TNNI3K: variants seen among roughly 807,000 people sequenced by gnomAD.
TNNI3K encodes serine/threonine-protein kinase TNNI3K.
Under a neutral mutation model 114.5 loss-of-function variants are expected in TNNI3K, and 140 were observed. That is an observed-to-expected ratio of 1.22 (90% CI 1.07 to 1.41). TNNI3K has a LOEUF of 1.41. Ranked by LOEUF, TNNI3K falls within the 40% of genes most tolerant of loss-of-function variation. The pLI is 0.00. For missense variants in TNNI3K, 1,125 were observed against 1,007.6 expected (o/e 1.12, Z -1.58); for synonymous variants, 347 against 347.5 (o/e 1.00, Z 0.02).
At chr1:74,281,123 T>C (rs755533706) in intron 5 of TNNI3K, among the ~76,000 whole-genome samples, 19 of 152,138 alleles carry the variant, frequency 1.2e-4, no homozygotes, top group Non-Finnish European at 2.8e-4. Context: ...CTGGAAGGAT[T>C]CACCACTTGC....
chr1:74,464,759 T>G, intron 21 of TNNI3K: 1 of 1,558,524 alleles, frequency 6.4e-7, no homozygotes, highest in Non-Finnish European at 8.7e-7. Flanking sequence ...ATCCTGGCCA[T>G]TCAACCTGAT....
chr1:74,506,613 T>C (rs922878685), intron 23 of TNNI3K, among the ~76,000 whole-genome samples: 10 of 152,220 alleles, frequency 6.6e-5, no homozygotes, highest in African/African-American at 2.4e-4. Context: ...CCAGCAGCTC[T>C]GGCATCACCT....
intron 5 of TNNI3K, among the ~76,000 whole-genome samples, chr1:74,277,535 G>A (rs1656756997): frequency 6.6e-6 from 1 of 151,988 alleles, no homozygotes; most frequent in African/African-American, 2.4e-5. Flanking sequence ...TCACTATATG[G>A]GCATAACCTA....
chr1:74,285,054 A>C (rs1657244197), intron 5 of TNNI3K, among the ~76,000 whole-genome samples: 1 of 152,250 alleles, frequency 6.6e-6, no homozygotes, highest in Non-Finnish European at 1.5e-5. Context: ...GATTATTCTT[A>C]GTTAGAGGTG....
intron 23 of TNNI3K, among the ~76,000 whole-genome samples, chr1:74,509,482 T>G (rs1000063103): frequency 2.6e-5 from 4 of 152,204 alleles, no homozygotes; most frequent in Non-Finnish European, 4.4e-5. Flanking sequence ...CACAAATGAA[T>G]GATTTTCATT....
intron 21 of TNNI3K, among the ~76,000 whole-genome samples, chr1:74,486,702 T>A (rs1269744510): frequency 6.6e-6 from 1 of 151,646 alleles, no homozygotes; most frequent in Non-Finnish European, 1.5e-5. Context: ...TTTTAAAGGG[T>A]AAAGAGACTC....
intron 4 of TNNI3K, among the ~76,000 whole-genome samples, chr1:74,266,369 G>A (rs1655989327): frequency 1.3e-5 from 2 of 151,918 alleles, no homozygotes; most frequent in South Asian, 4.1e-4. Context: ...TTATAGATCA[G>A]GGCTCCCAGA....
At chr1:74,245,139 A>G (rs1468258786) in intron 2 of TNNI3K, among the ~76,000 whole-genome samples, 2 of 152,226 alleles carry the variant, frequency 1.3e-5, no homozygotes, top group South Asian at 2.1e-4. Context: ...CCTTCCAAAA[A>G]GAAAGGTGGG....
At chr1:74,322,180 A>T (rs893413970) in intron 5 of TNNI3K, among the ~76,000 whole-genome samples, 6 of 152,170 alleles carry the variant, frequency 3.9e-5, no homozygotes, top group African/African-American at 1.4e-4. Flanking sequence ...ATTATGTTCA[A>T]ATCTTGATTG....
At chr1:74,374,170 T>C (rs1662757186) in intron 17 of TNNI3K, 1 of 151,882 alleles carries the variant, frequency 6.6e-6, no homozygotes. Flanking sequence ...AATTTTTTGA[T>C]CCATGGTTAG....
chr1:74,280,659 C>T (rs1457537986), intron 5 of TNNI3K, among the ~76,000 whole-genome samples: 1 of 152,174 alleles, frequency 6.6e-6, no homozygotes, highest in Non-Finnish European at 1.5e-5. Flanking sequence ...GAAGGTAACC[C>T]TCCACTGCAG....
intron 5 of TNNI3K, among the ~76,000 whole-genome samples, chr1:74,317,593 A>G (rs1343400157): frequency 6.6e-6 from 1 of 152,224 alleles, no homozygotes; most frequent in Non-Finnish European, 1.5e-5. Flanking sequence ...ATATGGTGGA[A>G]TGGAAGCCTA....
intron 23 of TNNI3K, among the ~76,000 whole-genome samples, chr1:74,500,977 A>G (rs961773936): frequency 2.0e-5 from 3 of 152,114 alleles, no homozygotes; most frequent in Non-Finnish European, 2.9e-5. Flanking sequence ...CTTGTGATAT[A>G]TTATGTTTCC....
intron 9 of TNNI3K, among the ~76,000 whole-genome samples, chr1:74,350,109 G>A (rs372957542): frequency 1.3e-5 from 2 of 151,734 alleles, no homozygotes; most frequent in East Asian, 1.9e-4. Flanking sequence ...GTGGGCATTC[G>A]GTGCTATAAA....
intron 17 of TNNI3K, among the ~76,000 whole-genome samples, chr1:74,394,609 C>T (rs1663975250): frequency 6.6e-6 from 1 of 152,170 alleles, no homozygotes; most frequent in Non-Finnish European, 1.5e-5. Context: ...AGTTTACTAG[C>T]CTGCAAAATA....
chr1:74,444,322 A>G (rs1300941220), intron 20 of TNNI3K, among the ~76,000 whole-genome samples: 8 of 152,300 alleles, frequency 5.3e-5, no homozygotes, highest in Non-Finnish European at 1.0e-4. Flanking sequence ...GCTTTAAGCA[A>G]TGTCAGTAAA....
intron 23 of TNNI3K, among the ~76,000 whole-genome samples, chr1:74,521,871 G>T (rs182375285): frequency 2.0e-5 from 3 of 152,220 alleles, no homozygotes; most frequent in African/African-American, 7.2e-5. Flanking sequence ...AGCCTGTGCT[G>T]GTCTATTCAT....
At position 74,336,417 on chromosome 1, in the gene TNNI3K, G is replaced by A. The variant is rs1660467976; in HGVS notation, c.682+268G>A. Among the ~76,000 whole-genome samples, 4 of 152,124 alleles carry A rather than the reference G, an allele frequency of 2.6e-5. No homozygotes were observed. The South Asian group carries it at 6.2e-4, about 24-fold the overall frequency. The stretch of plus-strand genomic sequence containing the variant: ...CACAACATGCAGGTTAGTTACATAT[G>A]TATACATGTGCCATGCTGGTGCGCT... On this transcript the variant is annotated intron_variant, in intron 7 of 24. Transcript: ENST00000326637.
At chr1:74,506,295 T>C (rs539840238) in intron 23 of TNNI3K, among the ~76,000 whole-genome samples, 2 of 152,348 alleles carry the variant, frequency 1.3e-5, no homozygotes, top group Non-Finnish European at 2.9e-5. Flanking sequence ...ACAACTCTTC[T>C]ACAGCTAAGA....
Sources: gnomAD v4.1 joint callset for allele counts (sites outside exome capture counted in the v4.1 genomes callset) on GRCh38, gnomAD v4.1.1 for gene constraint, MANE v1.5 for transcripts, NCBI Gene and HGNC (gene_info 2026-07-23, HGNC 2026-07-21) for gene names.